The following NAALADL2 variants were observed in gnomAD, a reference collection of about 807,000 sequenced individuals.
NAALADL2 encodes the protein inactive N-acetylated-alpha-linked acidic dipeptidase-like protein 2.
In NAALADL2, 76 loss-of-function variants were observed where a neutral mutation model predicts 87.2. The ratio of observed to expected loss-of-function variants is 0.87; its 90% CI spans 0.72 to 1.05. NAALADL2 has a LOEUF of 1.05. Among genes scored for constraint, NAALADL2 ranks in the 50% least tolerant of loss-of-function variants. NAALADL2 has a pLI of 0.00. For synonymous variants in NAALADL2, 354 were observed against 331.0 expected (o/e 1.07, Z -0.75); for missense variants, 1,089 against 945.8 (o/e 1.15, Z -1.99).
intron 2 of NAALADL2, among the ~76,000 whole-genome samples, chr3:175,157,400 A>T (rs903855547): frequency 9.2e-5 from 14 of 152,134 alleles, no homozygotes; most frequent in African/African-American, 2.7e-4. Flanking sequence ...TGTAAAATGT[A>T]AAGAATAATA....
At chr3:175,662,961 G>C (rs1732465737) in intron 11 of NAALADL2, among the ~76,000 whole-genome samples, 4 of 151,590 alleles carry the variant, frequency 2.6e-5, no homozygotes, top group Non-Finnish European at 5.9e-5. Context: ...TTGTTTGTTT[G>C]TTTGTTTGTT....
chr3:174,921,556 C>G (rs1735186109), intron 1 of NAALADL2, among the ~76,000 whole-genome samples: 1 of 152,014 alleles, frequency 6.6e-6, no homozygotes, highest in African/African-American at 2.4e-5. Flanking sequence ...AATCCCAGCA[C>G]TTTGGCAGGC....
intron 9 of NAALADL2, among the ~76,000 whole-genome samples, chr3:175,571,944 T>C (rs1389050904): frequency 6.6e-6 from 1 of 152,174 alleles, no homozygotes; most frequent in East Asian, 1.9e-4. Flanking sequence ...AATGTGCTTC[T>C]TCCCCTCATC....
intron 2 of NAALADL2, among the ~76,000 whole-genome samples, chr3:175,221,853 C>T (rs1743428029): frequency 6.6e-6 from 1 of 151,906 alleles, no homozygotes; most frequent in Non-Finnish European, 1.5e-5. Context: ...TGGCTCACTG[C>T]AACTTCCACC....
At chr3:174,528,383 A>T (rs1281924480) in intron 1 of NAALADL2, among the ~76,000 whole-genome samples, 3 of 152,286 alleles carry the variant, frequency 2.0e-5, no homozygotes, top group African/African-American at 7.2e-5. Flanking sequence ...TAAGCCCAGC[A>T]CTTTGAGAGG....
chr3:175,422,858 A>G (rs1715940814), intron 5 of NAALADL2, among the ~76,000 whole-genome samples: 1 of 151,606 alleles, frequency 6.6e-6, no homozygotes, highest in Non-Finnish European at 1.5e-5. Flanking sequence ...TCCAAAGGAA[A>G]AATACGTTTC....
intron 12 of NAALADL2, among the ~76,000 whole-genome samples, chr3:175,740,855 T>C (rs962395081): frequency 6.6e-6 from 1 of 152,206 alleles, no homozygotes; most frequent in Non-Finnish European, 1.5e-5. Context: ...GACTCGCCCT[T>C]AATTTTTTCT....
chr3:175,637,853 G>A (rs1427520385), intron 11 of NAALADL2, among the ~76,000 whole-genome samples: 7 of 152,188 alleles, frequency 4.6e-5, no homozygotes, highest in Admixed American at 4.6e-4. Flanking sequence ...GCTTGAAATG[G>A]TAGTAATAAT....
intron 1 of NAALADL2, among the ~76,000 whole-genome samples, chr3:174,937,086 T>G (rs1737803581): frequency 6.6e-6 from 1 of 152,106 alleles, no homozygotes; most frequent in African/African-American, 2.4e-5. Flanking sequence ...GCCCAAACAT[T>G]TTATCATTAA....
intron 2 of NAALADL2, among the ~76,000 whole-genome samples, chr3:175,166,950 A>G (rs1477567312): frequency 6.6e-6 from 1 of 151,956 alleles, no homozygotes; most frequent in African/African-American, 2.4e-5. Context: ...CAATCATTCA[A>G]TTCTTTGGTT....
chr3:174,955,541 C>G (rs1295218318), intron 1 of NAALADL2, among the ~76,000 whole-genome samples: 3 of 152,006 alleles, frequency 2.0e-5, no homozygotes, highest in African/African-American at 7.2e-5. Context: ...TGATACCTCT[C>G]AAATAGAGAC....
intron 3 of NAALADL2, among the ~76,000 whole-genome samples, chr3:175,236,502 T>G (rs1208070214): frequency 6.8e-6 from 1 of 146,520 alleles, no homozygotes; most frequent in Non-Finnish European, 1.5e-5. Context: ...CAGCCAAGAT[T>G]GCCCCATTGC....
intron 1 of NAALADL2, among the ~76,000 whole-genome samples, chr3:174,494,207 C>A (rs1718378308): frequency 1.3e-5 from 2 of 152,068 alleles, no homozygotes; most frequent in Admixed American, 1.3e-4. Flanking sequence ...AGATGAGAAC[C>A]AAAAGACTCT....
chr3:175,757,103 G>A (rs1007683464), intron 13 of NAALADL2, among the ~76,000 whole-genome samples: 1 of 151,524 alleles, frequency 6.6e-6, no homozygotes, highest in Admixed American at 6.6e-5. Flanking sequence ...GAAAGTTCTG[G>A]GCTAAACAAA....
At chr3:175,257,134 T>C (rs374147495) in intron 4 of NAALADL2, 1 of 150,820 alleles carries the variant, frequency 6.6e-6, no homozygotes, top group East Asian at 2.0e-4. Flanking sequence ...TTTCTGATGA[T>C]GAACCAGCAC....
intron 1 of NAALADL2, among the ~76,000 whole-genome samples, chr3:174,861,208 C>T (rs1308243576): frequency 6.6e-6 from 1 of 151,996 alleles, no homozygotes. Flanking sequence ...GATCTATCTT[C>T]TTGGAGTATT....
chr3:175,579,341 T>A (rs1440273964), intron 10 of NAALADL2, among the ~76,000 whole-genome samples: 11 of 152,088 alleles, frequency 7.2e-5, no homozygotes, highest in Admixed American at 5.2e-4. Flanking sequence ...AGAGGCCAAT[T>A]TTTATGGACA....
chr3:175,652,020 C>T (rs924118866), intron 11 of NAALADL2, among the ~76,000 whole-genome samples: 3 of 152,250 alleles, frequency 2.0e-5, no homozygotes, highest in South Asian at 4.2e-4. Flanking sequence ...GCGTGGTACA[C>T]GAGCAGACAC....
At chr3:175,786,305 T>C (rs1315645884) in intron 13 of NAALADL2, among the ~76,000 whole-genome samples, 3 of 152,178 alleles carry the variant, frequency 2.0e-5, no homozygotes, top group Non-Finnish European at 4.4e-5. Flanking sequence ...TTTTCCAACT[T>C]GGTTCCATTC....
Sources: allele counts gnomAD v4.1 joint callset (sites outside exome capture counted in the v4.1 genomes callset), GRCh38; gene constraint gnomAD v4.1.1; transcripts MANE v1.5; gene names NCBI Gene and HGNC (gene_info 2026-07-23, HGNC 2026-07-21).